The following GNAI1 variants were observed in gnomAD, a reference collection of about 807,000 sequenced individuals.
GNAI1 encodes the protein guanine nucleotide-binding protein G(i) subunit alpha-1.
GNAI1 carries 11 observed loss-of-function variants against 38.9 expected under a neutral mutation model. That is an observed-to-expected ratio of 0.28 (90% CI 0.18 to 0.47). The LOEUF is 0.47. Ranked by LOEUF, GNAI1 falls within the 20% of genes least tolerant of loss-of-function variation. The pLI is 0.99. For synonymous variants in GNAI1, 166 were observed against 145.1 expected (o/e 1.14, Z -1.04); for missense variants, 317 against 436.9 (o/e 0.73, Z 2.45).
At chr7:80,170,406 T>C (rs1399513672) in intron 1 of GNAI1, among the ~76,000 whole-genome samples, 1 of 152,208 alleles carries the variant, frequency 6.6e-6, no homozygotes, top group Non-Finnish European at 1.5e-5. Flanking sequence ...ATTGATCATC[T>C]TTTCATGTTT....
At chr7:80,143,905 T>G (rs1022180014) in intron 1 of GNAI1, among the ~76,000 whole-genome samples, 8 of 48,784 alleles carry the variant, frequency 1.6e-4, no homozygotes, top group African/African-American at 4.0e-4. Flanking sequence ...TTAGCAAGGA[T>G]GTGTGTGTGT....
At chr7:80,214,122 G>C (rs1313449238) in intron 7 of GNAI1, among the ~76,000 whole-genome samples, 1 of 152,096 alleles carries the variant, frequency 6.6e-6, no homozygotes, top group African/African-American at 2.4e-5. Context: ...GAACCAAAAG[G>C]GGAGGGTTCT....
chr7:80,171,199 A>G (rs180797166), intron 1 of GNAI1, among the ~76,000 whole-genome samples: 2 of 152,326 alleles, frequency 1.3e-5, no homozygotes, highest in East Asian at 3.9e-4. Context: ...TTACTTGCCA[A>G]TTTATAGGCA....
At chr7:80,211,518 A>G (rs1788873468) in intron 6 of GNAI1, among the ~76,000 whole-genome samples, 1 of 152,002 alleles carries the variant, frequency 6.6e-6, no homozygotes, top group Admixed American at 6.6e-5. Context: ...CCCAGGTTCA[A>G]GCCAGTTCTC....
chr7:80,181,080 T>A (rs550922398), intron 1 of GNAI1, among the ~76,000 whole-genome samples: 6 of 152,130 alleles, frequency 3.9e-5, no homozygotes, highest in African/African-American at 1.4e-4. Context: ...AATCACTGTA[T>A]CTTAAGTGAT....
At chr7:80,164,714 T>G (rs1464345924) in intron 1 of GNAI1, among the ~76,000 whole-genome samples, 1 of 152,226 alleles carries the variant, frequency 6.6e-6, no homozygotes, top group Non-Finnish European at 1.5e-5. Context: ...ATTTTATCAC[T>G]GCCTCTTTTA....
chr7:80,214,426 T>C (rs999402195), intron 7 of GNAI1, among the ~76,000 whole-genome samples: 25 of 152,156 alleles, frequency 1.6e-4, no homozygotes, highest in African/African-American at 6.0e-4. Flanking sequence ...CCCAAGTGAA[T>C]CCATAAATAT....
intron 1 of GNAI1, among the ~76,000 whole-genome samples, chr7:80,141,898 G>C (rs1460436624): frequency 6.6e-6 from 1 of 152,132 alleles, no homozygotes; most frequent in Non-Finnish European, 1.5e-5. Flanking sequence ...TATATAGCAA[G>C]GATCCCCTTC....
chr7:80,189,900 A>G (rs891207200), intron 3 of GNAI1, among the ~76,000 whole-genome samples: 1 of 152,034 alleles, frequency 6.6e-6, no homozygotes, highest in Admixed American at 6.6e-5. Flanking sequence ...TTTCAGTTGG[A>G]TTGGAAGCAG....
At chr7:80,199,540 T>G (rs1788642571) in intron 4 of GNAI1, among the ~76,000 whole-genome samples, 158 bp downstream of exon 4, 1 of 152,118 alleles carries the variant, frequency 6.6e-6, no homozygotes, top group Non-Finnish European at 1.5e-5. Flanking sequence ...TTATGTGTGT[T>G]GTGTGTGTGT....
At chr7:80,193,442 CT>C (rs1788515179) in intron 3 of GNAI1, among the ~76,000 whole-genome samples, 1 of 152,174 alleles carries the variant, frequency 6.6e-6, no homozygotes, top group Non-Finnish European at 1.5e-5. Context: ...GTTTTCAAGG[CT>C]TGCATAGAGC....
intron 3 of GNAI1, among the ~76,000 whole-genome samples, chr7:80,193,361 C>A (rs1330793860): frequency 1.3e-5 from 2 of 152,098 alleles, no homozygotes; most frequent in Admixed American, 6.6e-5. Flanking sequence ...TGGTTTGCTT[C>A]ATATTTGGCA....
intron 5 of GNAI1, among the ~76,000 whole-genome samples, chr7:80,209,058 A>T (rs1452180029): frequency 6.6e-6 from 1 of 152,178 alleles, no homozygotes; most frequent in Non-Finnish European, 1.5e-5. Flanking sequence ...CTCTTAGCAG[A>T]ATTGTCTTTA....
At chr7:80,139,629 C>T (rs1451060786) in intron 1 of GNAI1, among the ~76,000 whole-genome samples, 7 of 152,078 alleles carry the variant, frequency 4.6e-5, no homozygotes, top group Non-Finnish European at 1.0e-4. Context: ...AAATTATTAT[C>T]TTGCTGGAAT....
At chr7:80,156,618 G>A (rs920288615) in intron 1 of GNAI1, among the ~76,000 whole-genome samples, 8 of 151,982 alleles carry the variant, frequency 5.3e-5, no homozygotes, top group Admixed American at 3.9e-4. Flanking sequence ...TTATTTCGTA[G>A]AGGTGGTATC....
chr7:80,135,468 C>G (rs1787393740), intron 1 of GNAI1, 190 bp downstream of exon 1: 5 of 417,200 alleles, frequency 1.2e-5, no homozygotes, highest in African/African-American at 6.2e-5. Context: ...CTCTCCGCCC[C>G]GGCGGGCGAG....
intron 1 of GNAI1, among the ~76,000 whole-genome samples, chr7:80,185,698 G>A (rs1788374465): frequency 6.6e-6 from 1 of 152,146 alleles, no homozygotes; most frequent in African/African-American, 2.4e-5. Context: ...TGCACATCAG[G>A]CAACGATGTG....
chr7:80,140,005 A>G lies in GNAI1; in HGVS notation c.118+4727A>G, dbSNP rs1482033094. On this transcript the variant is annotated intron_variant, in intron 1 of 7. Transcript: ENST00000649796. Reference sequence around the variant, plus strand: ...TTTTTTTTTTTTTTCCTTTTTTTTGACGGAGTCTTGCTCTGTCGCCCAGGC... The same window carrying G: ...TTTTTTTTTTTTTTCCTTTTTTTTGGCGGAGTCTTGCTCTGTCGCCCAGGC... Among the ~76,000 whole-genome samples the G allele has an allele frequency of 2.8e-5, 3 of 106,900 alleles. No homozygotes were observed. The Admixed American group carries it at 3.5e-4, about 13-fold the overall frequency. The allele number at this position is 106,900 out of a possible 152,430, so 70.1% of individuals were successfully genotyped here.
chr7:80,213,355 G>A (rs529530413), intron 7 of GNAI1, among the ~76,000 whole-genome samples: 3 of 152,294 alleles, frequency 2.0e-5, no homozygotes, highest in Admixed American at 2.0e-4. Flanking sequence ...TTCACAAGAA[G>A]CCAAAACTTT....
Sources: gnomAD v4.1 joint callset for allele counts (sites outside exome capture counted in the v4.1 genomes callset) on GRCh38, gnomAD v4.1.1 for gene constraint, MANE v1.5 for transcripts, NCBI Gene and HGNC (gene_info 2026-07-23, HGNC 2026-07-21) for gene names.